Variants in DSC2 observed in about 807,000 individuals in gnomAD.
The protein encoded by DSC2 is desmocollin 2, also known as desmocollin-2.
In DSC2, 51 loss-of-function variants were observed where a neutral mutation model predicts 87.6. The ratio of observed to expected loss-of-function variants is 0.58; its 90% confidence interval spans 0.46 to 0.74. The LOEUF (loss-of-function observed/expected upper bound fraction) is 0.74. Ranked by LOEUF, DSC2 falls within the 30% of genes least tolerant of loss-of-function variation. The pLI, the probability that DSC2 is intolerant of heterozygous loss-of-function variation, is 0.00. For synonymous variants in DSC2, 383 were observed against 393.2 expected, an observed-to-expected ratio of 0.97 and a Z score of 0.31; for missense variants, 1,066 against 1,089.5, an observed-to-expected ratio of 0.98 and a Z score of 0.30.
intron 6 of DSC2, among the ~76,000 whole-genome samples, chr18:31,087,058 G>C (rs1987423845): frequency 1.3e-5 from 2 of 152,226 alleles, no homozygotes; most frequent in South Asian, 4.2e-4. Flanking sequence ...TTCTCTGTTT[G>C]TAAGCTTGTG....
chr18:31,084,776 G>A (rs1987341952), intron 7 of DSC2, among the ~76,000 whole-genome samples: 1 of 151,952 alleles, frequency 6.6e-6, no homozygotes, highest in African/African-American at 2.4e-5. Context: ...TCACTTCAGG[G>A]AAAACAACTA....
At chr18:31,068,387 A>T (rs759173737) in intron 15 of DSC2, 175 bp from the exon 16 acceptor site, 3 of 1,580,950 alleles carry the variant, frequency 1.9e-6, no homozygotes, top group Non-Finnish European at 2.6e-6. Flanking sequence ...TTCATACATC[A>T]CACTATAAAT....
chr18:31,087,955 A>T (rs887639332), intron 5 of DSC2, 142 bp from the exon 6 acceptor site: 5 of 841,590 alleles, frequency 5.9e-6, no homozygotes, highest in Non-Finnish European at 9.5e-6. Context: ...TGGGATATGG[A>T]TATAATTTTA....
chr18:31,061,827 G>C lies in DSC2; in HGVS notation c.*6188C>G, dbSNP rs1168578120. The stretch of plus-strand genomic sequence containing the variant: ...TGGGATAAAGAACACAAGGACAGGT[G>C]GGGAGAGAAGAGCTTCTTGGAAGAA... On this transcript the variant is annotated 3_prime_UTR_variant, in exon 16 of 16. Coordinates refer to ENST00000280904, the MANE Select transcript of DSC2 (RefSeq NM_024422.6). The C allele has an allele frequency of 6.6e-6, 1 of 152,174 alleles. No individual in the cohort carries two copies. The highest frequency in any genetic ancestry group is 1.5e-5 in the Non-Finnish European group (1 of 68,032). The allele number at this position is 152,174 out of a possible 1,614,324, so 9.4% of individuals were successfully genotyped here.
rs1245841138 is a variant in DSC2, at chr18:31,083,056, A to G, written c.947T>C (p.Ile316Thr). 1.9e-6 allele frequency: 3 copies of G among 1,611,146 alleles called. No individual in the cohort carries two copies. The highest frequency in any genetic ancestry group is 2.7e-5 in the African/African-American group (2 of 74,836). The change falls in exon 8 of 16, where the codon ATT becomes ACT. Residue 316 changes from isoleucine (I) to threonine (T), a missense_variant. Physicochemically the swap from Ile to Thr is moderately conservative, Grantham distance 89. Coordinates refer to ENST00000280904, the MANE Select transcript of DSC2 (RefSeq NM_024422.6). ...TTSSQLDREL[I>T]DKYQLKIKVQ... ...TTTTATTTTCAACTGGTACTTGTCA[A>G]TTAACTGAAAACAAAAAAAGAATTT...
intron 1 of DSC2, 136 bp from the exon 2 acceptor site, chr18:31,093,779 T>C (rs1190067553): frequency 4.4e-6 from 1 of 228,522 alleles, no homozygotes; most frequent in Non-Finnish European, 7.7e-6. Flanking sequence ...ATGTTAATTA[T>C]ATTACATATT....
At chr18:31,080,730 A>G (rs1292924232) in intron 9 of DSC2, among the ~76,000 whole-genome samples, 1 of 152,170 alleles carries the variant, frequency 6.6e-6, no homozygotes, top group African/African-American at 2.4e-5. Flanking sequence ...GCCTTCCGCC[A>G]TGATTATAAG....
At chr18:31,077,016 A>AT (rs1451976647) in intron 11 of DSC2, among the ~76,000 whole-genome samples, 1 of 152,106 alleles carries the variant, frequency 6.6e-6, no homozygotes, top group Non-Finnish European at 1.5e-5. Flanking sequence ...ATATTAAAAT[A>AT]TTTTTCAGAA....
At chr18:31,089,352 G>A (rs1478507502) in intron 5 of DSC2, 87 bp downstream of exon 5, 5 of 1,502,952 alleles carry the variant, frequency 3.3e-6, no homozygotes, top group African/African-American at 1.4e-5. Flanking sequence ...AACTCAGAAA[G>A]CAGAAAAGGT....
intron 1 of DSC2, 35 bp from the exon 2 acceptor site, chr18:31,093,678 C>T (rs1187895884): frequency 5.6e-5 from 79 of 1,410,850 alleles, no homozygotes; most frequent in Non-Finnish European, 7.2e-5. Flanking sequence ...AAATATTATG[C>T]ATAAAAAGAA....
intron 7 of DSC2, among the ~76,000 whole-genome samples, chr18:31,083,539 T>G (rs12966911): frequency 0.23 from 35,437 of 152,124 alleles, 4,424 homozygotes; most frequent in East Asian, 0.33. Flanking sequence ...CCAAAGTACA[T>G]TCTTATGTTC....
chr18:31,089,213 GA>G (rs932289309), intron 5 of DSC2, among the ~76,000 whole-genome samples: 22 of 148,784 alleles, frequency 1.5e-4, no homozygotes, highest in African/African-American at 3.5e-4. Flanking sequence ...TGTTGTGGGG[GA>G]AAAAAAAATA....
In DSC2 at chr18:31,074,421, ATG is replaced by A. The variant is rs71175757; in HGVS notation, c.1888+260_1888+261del. Reference sequence around the variant, plus strand: ...AGAGAGAAAGAGAGAAAGAGAAAAAATGTGTGTGTGTGTGTGTGTGTGTGTGT... The same window carrying A: ...AGAGAGAAAGAGAGAAAGAGAAAAAATGTGTGTGTGTGTGTGTGTGTGTGT... On this transcript the variant is annotated intron_variant, in intron 12 of 15. Transcript: ENST00000280904. 0.091 allele frequency among the ~76,000 whole-genome samples: 12,720 copies of A among 139,680 alleles called. 602 individuals carry two copies. Among genetic ancestry groups the A allele is most frequent in the East Asian group, 0.16 (741 of 4,592 alleles). 91.6% of individuals were successfully genotyped at this position (139,680 alleles called of 152,430 possible). A position where few individuals can be genotyped will look rare whatever the true frequency, so the allele number is the denominator to read the frequency against.
At chr18:31,098,790 G>A (rs1454649847) in intron 1 of DSC2, among the ~76,000 whole-genome samples, 1 of 152,098 alleles carries the variant, frequency 6.6e-6, no homozygotes, top group Non-Finnish European at 1.5e-5. Context: ...CCCATTATTG[G>A]TAATCTGTCC....
chr18:31,102,125 G>T lies in DSC2; in HGVS notation c.-154C>A. 2 of 598,094 alleles carry T rather than the reference G, an allele frequency of 3.3e-6. No homozygotes were observed. The highest frequency in any genetic ancestry group is 5.3e-6 in the Non-Finnish European group (2 of 376,360). The allele number at this position is 598,094 out of a possible 1,614,324, so 37.0% of individuals were successfully genotyped here. ...GGCGCGCGGAGAGGTGCTTTTCTTA[G>T]CTTCTCTGAAGCGCCTGCCTCTCAT... On this transcript the variant is annotated 5_prime_UTR_variant, in exon 1 of 16. Coordinates refer to ENST00000280904, the MANE Select transcript of DSC2 (RefSeq NM_024422.6).
intron 11 of DSC2, 31 bp downstream of exon 11, chr18:31,079,816 G>C (rs1987143316): frequency 6.2e-7 from 1 of 1,613,186 alleles, no homozygotes; most frequent in African/African-American, 1.3e-5. Context: ...AGCCAAGGAA[G>C]TATGTAGCTG....
chr18:31,086,527 A>T, intron 7 of DSC2, 49 bp downstream of exon 7: 1 of 1,602,806 alleles, frequency 6.2e-7, no homozygotes, highest in Non-Finnish European at 8.5e-7. Context: ...TTATACAGGT[A>T]CTATTGAATA....
intron 12 of DSC2, among the ~76,000 whole-genome samples, chr18:31,073,384 C>T (rs1288413047): frequency 6.6e-6 from 1 of 150,772 alleles, no homozygotes; most frequent in Admixed American, 6.6e-5. Flanking sequence ...CACACACACA[C>T]ACACACACAC....
intron 11 of DSC2, among the ~76,000 whole-genome samples, chr18:31,076,025 G>C (rs548981164): frequency 1.3e-5 from 2 of 152,222 alleles, no homozygotes; most frequent in South Asian, 4.1e-4. Flanking sequence ...ACAAACCCAG[G>C]AGTTCTGTCT....
Sources: gnomAD v4.1 joint callset for allele counts (sites outside exome capture counted in the v4.1 genomes callset) on GRCh38, gnomAD v4.1.1 for gene constraint, MANE v1.5 for transcripts, NCBI Gene and HGNC (gene_info 2026-07-23, HGNC 2026-07-21) for gene names.